The following EIPR1 variants were observed in gnomAD, a reference collection of about 807,000 sequenced individuals.
The protein encoded by EIPR1 is EARP and GARP complex-interacting protein 1.
In EIPR1, 25 loss-of-function variants were observed where a neutral mutation model predicts 48.1. The observed-to-expected ratio is 0.52, with a 90% confidence interval of 0.38 to 0.73. EIPR1 has a LOEUF of 0.73. Among genes scored for constraint, EIPR1 ranks in the 30% least tolerant of loss-of-function variants. The pLI, the probability that EIPR1 is intolerant of heterozygous loss-of-function variation, is 0.00. For synonymous variants in EIPR1, 204 were observed against 201.9 expected (o/e 1.01, Z -0.09); for missense variants, 415 against 506.2 (o/e 0.82, Z 1.73).
At chr2:3,201,861 G>A (rs1325205922) in intron 5 of EIPR1, among the ~76,000 whole-genome samples, 1 of 152,214 alleles carries the variant, frequency 6.6e-6, no homozygotes, top group Admixed American at 6.5e-5. Context: ...AACACAGGGT[G>A]AGCTAATTTT....
At chr2:3,356,649 G>T (rs1670736726) in intron 1 of EIPR1, among the ~76,000 whole-genome samples, 1 of 152,238 alleles carries the variant, frequency 6.6e-6, no homozygotes, top group African/African-American at 2.4e-5. Context: ...CTCTGCTGAT[G>T]TGCTTAGATT....
At chr2:3,302,434 A>T (rs575020930) in intron 3 of EIPR1, among the ~76,000 whole-genome samples, 2 of 152,350 alleles carry the variant, frequency 1.3e-5, no homozygotes, top group South Asian at 4.1e-4. Flanking sequence ...CCCTCTTCTG[A>T]AATCCAGGTC....
At chr2:3,342,214 CA>C (rs915986779) in intron 2 of EIPR1, among the ~76,000 whole-genome samples, 1 of 151,806 alleles carries the variant, frequency 6.6e-6, no homozygotes, top group African/African-American at 2.4e-5. Context: ...TTATTAATAC[CA>C]AAAATGTTAC....
At chr2:3,264,907 G>A (rs528189768) in intron 3 of EIPR1, among the ~76,000 whole-genome samples, 3 of 152,098 alleles carry the variant, frequency 2.0e-5, no homozygotes, top group African/African-American at 7.2e-5. Flanking sequence ...GGCTGGTCTC[G>A]AACTCCTGAC....
chr2:3,311,154 G>A (rs1347935647), intron 3 of EIPR1, among the ~76,000 whole-genome samples: 1 of 152,112 alleles, frequency 6.6e-6, no homozygotes, highest in East Asian at 1.9e-4. Context: ...CTTAGGCCTA[G>A]TATGTGCACA....
intron 4 of EIPR1, among the ~76,000 whole-genome samples, chr2:3,256,415 A>C (rs1378231882): frequency 6.6e-6 from 1 of 152,020 alleles, no homozygotes; most frequent in Admixed American, 6.6e-5. Flanking sequence ...CGTGGAGATC[A>C]TGACTCTCGG....
intron 6 of EIPR1, 195 bp from the exon 7 acceptor site, chr2:3,194,361 C>T (rs1477256031): frequency 4.2e-5 from 24 of 572,956 alleles, no homozygotes; most frequent in Non-Finnish European, 3.7e-5. Flanking sequence ...TGTGTGGTCG[C>T]ACCACGCTCA....
intron 3 of EIPR1, among the ~76,000 whole-genome samples, chr2:3,322,594 C>A (rs1195293334): frequency 2.0e-5 from 3 of 152,184 alleles, no homozygotes; most frequent in Non-Finnish European, 4.4e-5. Context: ...CTTCCTCATC[C>A]AGCACTGACT....
intron 5 of EIPR1, among the ~76,000 whole-genome samples, chr2:3,201,840 A>G (rs1392471672): frequency 6.6e-6 from 1 of 152,242 alleles, no homozygotes; most frequent in Non-Finnish European, 1.5e-5. Context: ...GAGTGTACAC[A>G]TTATTTCAGA....
intron 3 of EIPR1, among the ~76,000 whole-genome samples, chr2:3,310,238 A>G (rs953718475): frequency 2.0e-5 from 3 of 152,214 alleles, no homozygotes; most frequent in Admixed American, 6.5e-5. Context: ...ATCCGTTCTG[A>G]AGACGACAAA....
chr2:3,206,716 A>T (rs1260186796), intron 5 of EIPR1, among the ~76,000 whole-genome samples: 1 of 152,196 alleles, frequency 6.6e-6, no homozygotes, highest in African/African-American at 2.4e-5. Context: ...TACACACTCA[A>T]AATTGGAAAG....
intron 2 of EIPR1, among the ~76,000 whole-genome samples, chr2:3,338,812 GATAACTTTTAGAGGA>G (rs1670145593): frequency 6.6e-6 from 1 of 152,128 alleles, no homozygotes; most frequent in Admixed American, 6.5e-5. Context: ...TGCTTTCCAG[GATAACTTTTAGAGGA>G]ATTAAAATGA....
chr2:3,193,492 T>C (rs1163077879), intron 7 of EIPR1, among the ~76,000 whole-genome samples: 1 of 152,256 alleles, frequency 6.6e-6, no homozygotes, highest in Non-Finnish European at 1.5e-5. Flanking sequence ...ATTGTACAAC[T>C]TGATCTTTTT....
intron 3 of EIPR1, among the ~76,000 whole-genome samples, chr2:3,283,944 T>TA (rs59593196): frequency 0.076 from 7,088 of 92,758 alleles, 248 homozygotes; most frequent in Non-Finnish European, 0.085. Context: ...AGACTACATC[T>TA]AAAAAAAAAA....
chr2:3,250,654 C>T (rs1666973455), intron 4 of EIPR1, among the ~76,000 whole-genome samples: 1 of 152,096 alleles, frequency 6.6e-6, no homozygotes, highest in Admixed American at 6.5e-5. Context: ...AAATGTGATC[C>T]CAATGTTGGA....
chr2:3,189,909 G>A lies in EIPR1; in HGVS notation c.990-401C>T, dbSNP rs1193257437. 4.6e-5 allele frequency among the ~76,000 whole-genome samples: 7 copies of A among 152,090 alleles called. No homozygotes were observed. The highest frequency in any genetic ancestry group is 1.0e-4 in the Non-Finnish European group (7 of 68,006). ...TGTCTGGGTAACACAGGATGTAAACGCCCCTATTGCTTGAGCAGAAAGGAC... is the reference window on the plus strand; with the variant it reads ...TGTCTGGGTAACACAGGATGTAAACACCCCTATTGCTTGAGCAGAAAGGAC... On this transcript the variant is annotated intron_variant, in intron 8 of 8. Coordinates refer to ENST00000382125, the MANE Select transcript of EIPR1 (RefSeq NM_003310.5). This position sits in a 1 kb window ranked among gnomAD's most constrained non-coding sequence, Gnocchi z 4.6.
At position 3,255,343 on chromosome 2, in the gene EIPR1, C is replaced by T. The variant is rs183484570; in HGVS notation, c.416+1956G>A. Reference sequence around the variant, plus strand: ...GACTACAGGCACGTGCCACCACACACGGCTAATTTTTGTATTTTTAGCAGA... The same window carrying T: ...GACTACAGGCACGTGCCACCACACATGGCTAATTTTTGTATTTTTAGCAGA... On this transcript the variant is annotated intron_variant, in intron 4 of 8. Coordinates refer to ENST00000382125, the MANE Select transcript of EIPR1 (RefSeq NM_003310.5). Among the ~76,000 whole-genome samples, 20 of 152,184 alleles carry T rather than the reference C, an allele frequency of 1.3e-4. No homozygotes were observed. In the East Asian group the frequency reaches 3.1e-3, roughly 24 times the overall value.
intron 1 of EIPR1, among the ~76,000 whole-genome samples, chr2:3,355,423 C>T (rs1176807637): frequency 6.6e-6 from 1 of 152,222 alleles, no homozygotes; most frequent in African/African-American, 2.4e-5. Flanking sequence ...TTAGGCTAGC[C>T]AGCCTCCTGC....
chr2:3,347,072 G>A (rs13392713), intron 2 of EIPR1, among the ~76,000 whole-genome samples: 2,738 of 152,136 alleles, frequency 0.018, 86 homozygotes, highest in African/African-American at 0.063. Context: ...TCCCGCCCTC[G>A]CCATGTGATG....
Sources: allele counts gnomAD v4.1 joint callset (sites outside exome capture counted in the v4.1 genomes callset), GRCh38; gene constraint gnomAD v4.1.1; non-coding constraint Gnocchi (gnomAD v3.1); transcripts MANE v1.5; gene names NCBI Gene and HGNC (gene_info 2026-07-23, HGNC 2026-07-21).